The following MYBPC1 variants were observed in gnomAD, a reference collection of about 807,000 sequenced individuals.
The protein encoded by MYBPC1 is myosin binding protein C1, also known as myosin-binding protein C, slow-type.
In MYBPC1, 52 loss-of-function variants were observed where a neutral mutation model predicts 147.1. The observed-to-expected ratio is 0.35, with a 90% CI of 0.28 to 0.45. The LOEUF (loss-of-function observed/expected upper bound fraction) is 0.45, where lower values mean the gene tolerates loss of function less well. Among genes scored for constraint, MYBPC1 ranks in the 20% least tolerant of loss-of-function variants. The pLI, the probability that MYBPC1 is intolerant of heterozygous loss-of-function variation, is 1.00. For synonymous variants in MYBPC1, 477 were observed against 475.9 expected, an observed-to-expected ratio of 1.00 and a Z score of -0.03; for missense variants, 1,228 against 1,440.3, an observed-to-expected ratio of 0.85 and a Z score of 2.39.
chr12:101,631,205 T>C (rs2136047393), intron 6 of MYBPC1, among the ~76,000 whole-genome samples: 1 of 152,286 alleles, frequency 6.6e-6, no homozygotes, highest in East Asian at 1.9e-4. Context: ...TCCATATATA[T>C]GAAATAAAAT....
Position 101,651,228 on chromosome 12 carries a change from C to T in MYBPC1, c.1364-3C>T. The T allele has an allele frequency of 6.2e-7, 1 of 1,614,068 alleles. No individual in the cohort carries two copies. The highest frequency in any genetic ancestry group is 8.5e-7 in the Non-Finnish European group (1 of 1,179,942). On this transcript the variant is annotated splice_region_variant and splice_polypyrimidine_tract_variant and intron_variant, in intron 15 of 31. Coordinates refer to ENST00000361466, the MANE Select transcript of MYBPC1 (RefSeq NM_002465.4). ...CATTTGTGATGGTCTATCATTTCTACAGTGAAACCTCTGAAGATTTTGACA... is the reference window on the plus strand; with the variant it reads ...CATTTGTGATGGTCTATCATTTCTATAGTGAAACCTCTGAAGATTTTGACA...
intron 26 of MYBPC1, among the ~76,000 whole-genome samples, chr12:101,676,756 GA>G (rs757545386): frequency 5.2e-4 from 76 of 147,238 alleles, no homozygotes; most frequent in South Asian, 1.7e-3. Flanking sequence ...GTCTCAAAAA[GA>G]AAAAAAAAAT....
chr12:101,622,119 C>T (rs557093318), intron 3 of MYBPC1, among the ~76,000 whole-genome samples: 1 of 152,262 alleles, frequency 6.6e-6, no homozygotes, highest in East Asian at 1.9e-4. Context: ...TTTATGTATT[C>T]ATCATCACCA....
chr12:101,607,853 A>C (rs988974044), intron 1 of MYBPC1, among the ~76,000 whole-genome samples: 8 of 152,192 alleles, frequency 5.3e-5, no homozygotes, highest in African/African-American at 1.9e-4. Flanking sequence ...AATTAATTTT[A>C]AGACGTAAGA....
At chr12:101,666,000 G>A (rs1182626703) in intron 22 of MYBPC1, among the ~76,000 whole-genome samples, 3 of 152,080 alleles carry the variant, frequency 2.0e-5, no homozygotes, top group Admixed American at 2.0e-4. Flanking sequence ...AAGTTCCAAG[G>A]GACAGCCAGT....
intron 10 of MYBPC1, among the ~76,000 whole-genome samples, chr12:101,639,107 C>A (rs1891536098): frequency 2.0e-5 from 3 of 152,266 alleles, no homozygotes; most frequent in Admixed American, 6.5e-5. Context: ...TTCAAATAGA[C>A]ATTAGCTAAA....
chr12:101,642,616 G>C (rs766195292), intron 11 of MYBPC1, 31 bp downstream of exon 11: 1 of 1,592,290 alleles, frequency 6.3e-7, no homozygotes, highest in Non-Finnish European at 8.5e-7. Flanking sequence ...GGCAGCGGCC[G>C]AGGGGCGTGG....
At chr12:101,642,927 C>T (rs1892367268) in intron 11 of MYBPC1, among the ~76,000 whole-genome samples, 1 of 152,174 alleles carries the variant, frequency 6.6e-6, no homozygotes, top group Admixed American at 6.5e-5. Context: ...CCTTTTCTTT[C>T]ACCCACTTGA....
intron 1 of MYBPC1, 88 bp from the exon 2 acceptor site, chr12:101,614,408 C>T (rs775610800): frequency 4.1e-6 from 6 of 1,465,166 alleles, no homozygotes; most frequent in Non-Finnish European, 5.7e-6. Context: ...AGATGGCTGC[C>T]TGCAGCAGAA....
chr12:101,602,136 A>T (rs1880287218), intron 1 of MYBPC1, among the ~76,000 whole-genome samples: 1 of 152,210 alleles, frequency 6.6e-6, no homozygotes, highest in Non-Finnish European at 1.5e-5. Flanking sequence ...CCTCATCTGT[A>T]TGTGAATAAA....
chr12:101,609,317 G>A (rs1321835433), intron 1 of MYBPC1, among the ~76,000 whole-genome samples: 3 of 151,876 alleles, frequency 2.0e-5, no homozygotes, highest in African/African-American at 7.3e-5. Flanking sequence ...CTGGAGATGG[G>A]GTCTTGCTCT....
At chr12:101,618,760 G>A (rs1278555952) in intron 3 of MYBPC1, among the ~76,000 whole-genome samples, 1 of 152,012 alleles carries the variant, frequency 6.6e-6, no homozygotes, top group Non-Finnish European at 1.5e-5. Flanking sequence ...TAGATGACTA[G>A]GGCATTTTGA....
the MYBPC1 span, among the ~76,000 whole-genome samples, chr12:101,693,988 G>T: frequency 4.6e-5 from 7 of 152,088 alleles, no homozygotes; most frequent in Non-Finnish European, 1.0e-4. Context: ...AGCCATTTTT[G>T]ATCACAAGGA....
chr12:101,597,270 C>T (rs11110876), intron 1 of MYBPC1, among the ~76,000 whole-genome samples: 4,567 of 152,250 alleles, frequency 0.03, 252 homozygotes, highest in East Asian at 0.25. Flanking sequence ...AGAAACCCTC[C>T]CAAAGAACAG....
chr12:101,601,025 A>G (rs181919573), intron 1 of MYBPC1, among the ~76,000 whole-genome samples: 2 of 152,332 alleles, frequency 1.3e-5, no homozygotes, highest in African/African-American at 2.4e-5. Flanking sequence ...GGGAAACTGA[A>G]TAAATACACA....
At chr12:101,629,613 C>G in intron 6 of MYBPC1, 69 bp downstream of exon 6, 1 of 1,126,104 alleles carries the variant, frequency 8.9e-7, no homozygotes, top group Non-Finnish European at 1.3e-6. Context: ...TGCCTCACGC[C>G]TGTAATCCCA....
intron 18 of MYBPC1, among the ~76,000 whole-genome samples, chr12:101,655,446 C>T (rs1895378567): frequency 6.6e-6 from 1 of 151,902 alleles, no homozygotes; most frequent in Non-Finnish European, 1.5e-5. Flanking sequence ...AGAAAAAGTC[C>T]AAAAAAATTT....
intron 1 of MYBPC1, among the ~76,000 whole-genome samples, chr12:101,612,181 A>G (rs1482613919): frequency 7.9e-5 from 12 of 152,222 alleles, no homozygotes; most frequent in Admixed American, 7.9e-4. Flanking sequence ...TAACAGTTCA[A>G]TTATAGAGCT....
chr12:101,642,966 C>A (rs535204995), intron 11 of MYBPC1, among the ~76,000 whole-genome samples: 36 of 152,256 alleles, frequency 2.4e-4, no homozygotes, highest in African/African-American at 8.2e-4. Flanking sequence ...CTTTCTCACA[C>A]CCAATATGGT....
Sources: gnomAD v4.1 joint callset for allele counts (sites outside exome capture counted in the v4.1 genomes callset) on GRCh38, gnomAD v4.1.1 for gene constraint, MANE v1.5 for transcripts, NCBI Gene and HGNC (gene_info 2026-07-23, HGNC 2026-07-21) for gene names.